Variants in KLF12 observed in about 807,000 individuals in gnomAD.
KLF12 encodes KLF transcription factor 12, also known as Krueppel-like factor 12.
A neutral mutation model predicts 37.8 loss-of-function variants in KLF12; 9 were observed. That is an observed-to-expected ratio of 0.24 (90% CI 0.14 to 0.42). The LOEUF is 0.42. Ranked by LOEUF, KLF12 falls within the 10% of genes least tolerant of loss-of-function variation. KLF12 has a pLI of 1.00. For missense variants in KLF12, 411 were observed against 516.0 expected (o/e 0.80, Z 1.97); for synonymous variants, 208 against 202.1 (o/e 1.03, Z -0.25).
the KLF12 span, among the ~76,000 whole-genome samples, chr13:74,214,414 T>C: frequency 6.6e-6 from 1 of 152,228 alleles, no homozygotes; most frequent in Non-Finnish European, 1.5e-5. Context: ...TGTATTTTAG[T>C]TAACATCCTC....
At chr13:73,930,810 C>T (rs968977683) in intron 3 of KLF12, among the ~76,000 whole-genome samples, 8 of 150,036 alleles carry the variant, frequency 5.3e-5, no homozygotes, top group African/African-American at 2.0e-4. Flanking sequence ...TACTTTGGAG[C>T]ATCATTAATG....
At chr13:74,229,721 A>G in the KLF12 span, among the ~76,000 whole-genome samples, 1 of 152,168 alleles carries the variant, frequency 6.6e-6, no homozygotes, top group Non-Finnish European at 1.5e-5. Context: ...CCCAGGAGCC[A>G]CTAACAACCA....
At chr13:74,071,797 C>T (rs1874269585) in intron 1 of KLF12, among the ~76,000 whole-genome samples, 1 of 152,176 alleles carries the variant, frequency 6.6e-6, no homozygotes, top group Non-Finnish European at 1.5e-5. Context: ...GTTAAAGAGG[C>T]AACCCCATCA....
At chr13:73,902,928 C>A (rs1888102423) in intron 3 of KLF12, among the ~76,000 whole-genome samples, 1 of 152,142 alleles carries the variant, frequency 6.6e-6, no homozygotes, top group Admixed American at 6.5e-5. Flanking sequence ...TTGGTTAATG[C>A]CATTTCTTTT....
At chr13:74,054,262 C>G (rs1167055025) in intron 1 of KLF12, among the ~76,000 whole-genome samples, 3 of 152,164 alleles carry the variant, frequency 2.0e-5, no homozygotes, top group Non-Finnish European at 4.4e-5. Flanking sequence ...GAAATCAAAG[C>G]AACTGACTTC....
chr13:74,145,797 A>G, the KLF12 span, among the ~76,000 whole-genome samples: 1 of 152,174 alleles, frequency 6.6e-6, no homozygotes, highest in African/African-American at 2.4e-5. Flanking sequence ...TCAGATTTTT[A>G]GCTCCTATCT....
chr13:73,695,412 T>C lies in KLF12; in HGVS notation c.*78A>G. The C allele has an allele frequency of 7.2e-7, 1 of 1,386,818 alleles. No individual in the cohort carries two copies. The highest frequency in any genetic ancestry group is 1.2e-5 in the South Asian group (1 of 80,570). The allele number at this position is 1,386,818 out of a possible 1,614,324, so 85.9% of individuals were successfully genotyped here. ...GTGATGCCCTTTTGTGTTAACACTG[T>C]GAAGGGGATTCAGCCCTGCTGAATT... is the stretch of plus-strand genomic sequence containing the variant. On this transcript the variant is annotated 3_prime_UTR_variant, in exon 8 of 8. Coordinates refer to ENST00000377669, the MANE Select transcript of KLF12 (RefSeq NM_007249.5).
At chr13:74,177,483 G>T in the KLF12 span, among the ~76,000 whole-genome samples, 1 of 152,132 alleles carries the variant, frequency 6.6e-6, no homozygotes, top group Non-Finnish European at 1.5e-5. Flanking sequence ...GTGATGGAAG[G>T]TGGTAAAATG....
intron 2 of KLF12, among the ~76,000 whole-genome samples, chr13:73,964,498 G>A (rs905833368): frequency 2.0e-5 from 3 of 151,918 alleles, no homozygotes; most frequent in Non-Finnish European, 4.4e-5. Flanking sequence ...AGCCGAGCAC[G>A]GTGGCTCATG....
chr13:74,130,566 A>G (rs1189508857), intron 1 of KLF12, among the ~76,000 whole-genome samples: 4 of 151,426 alleles, frequency 2.6e-5, no homozygotes, highest in African/African-American at 4.9e-5. Context: ...CTAAGGTGGG[A>G]GGATCCCTTG....
At chr13:73,773,476 A>G (rs548331237) in intron 5 of KLF12, among the ~76,000 whole-genome samples, 16 of 152,314 alleles carry the variant, frequency 1.1e-4, no homozygotes, top group African/African-American at 3.4e-4. Context: ...CATTAACACC[A>G]GTATCAATTC....
At chr13:74,136,306 T>C (rs764672568), upstream of KLF12, among the ~76,000 whole-genome samples, 1 of 152,122 alleles carries the variant, frequency 6.6e-6, no homozygotes. Flanking sequence ...CCTGATCCGA[T>C]CCTGGGCCTA....
chr13:74,280,145 C>A, the KLF12 span, among the ~76,000 whole-genome samples: 2 of 152,138 alleles, frequency 1.3e-5, no homozygotes, highest in African/African-American at 2.4e-5. Flanking sequence ...CTATTAAATT[C>A]TATTGTCACA....
intron 3 of KLF12, among the ~76,000 whole-genome samples, chr13:73,924,418 T>C (rs1483184794): frequency 6.6e-6 from 1 of 152,198 alleles, no homozygotes; most frequent in East Asian, 1.9e-4. Context: ...TTCATTATTA[T>C]ATTTGTTATG....
intron 1 of KLF12, among the ~76,000 whole-genome samples, chr13:74,059,091 T>C (rs1873426672): frequency 6.6e-6 from 1 of 152,236 alleles, no homozygotes; most frequent in Admixed American, 6.5e-5. Flanking sequence ...CCTTCAGGTT[T>C]CATCCATGTT....
At chr13:74,074,691 C>T (rs1344067500) in intron 1 of KLF12, among the ~76,000 whole-genome samples, 1 of 152,048 alleles carries the variant, frequency 6.6e-6, no homozygotes, top group Non-Finnish European at 1.5e-5. Context: ...TAGGTAAACT[C>T]ATGTCATGGG....
At chr13:74,003,699 T>C (rs1892339123) in intron 1 of KLF12, among the ~76,000 whole-genome samples, 1 of 152,192 alleles carries the variant, frequency 6.6e-6, no homozygotes, top group African/African-American at 2.4e-5. Context: ...GTATTTATTA[T>C]TCAAATATGA....
chr13:73,950,420 C>G (rs1298980269), intron 2 of KLF12, among the ~76,000 whole-genome samples: 1 of 152,168 alleles, frequency 6.6e-6, no homozygotes, highest in Admixed American at 6.5e-5. Context: ...AAAATGACAT[C>G]TGAGCTTCCG....
At chr13:74,227,751 T>A in the KLF12 span, among the ~76,000 whole-genome samples, 1 of 152,136 alleles carries the variant, frequency 6.6e-6, no homozygotes, top group East Asian at 1.9e-4. Flanking sequence ...TTTATTGTGA[T>A]AACAAAAACC....
Sources: gnomAD v4.1 joint callset for allele counts (sites outside exome capture counted in the v4.1 genomes callset) on GRCh38, gnomAD v4.1.1 for gene constraint, MANE v1.5 for transcripts, NCBI Gene and HGNC (gene_info 2026-07-23, HGNC 2026-07-21) for gene names.